Variants in NTNG1 observed in about 807,000 individuals in gnomAD.
NTNG1 encodes the protein netrin G1.
Under a neutral mutation model 54.0 loss-of-function variants are expected in NTNG1, and 16 were observed. The ratio of observed to expected loss-of-function variants is 0.30; its 90% CI spans 0.20 to 0.45. The LOEUF (loss-of-function observed/expected upper bound fraction) is 0.45. Ranked by LOEUF, NTNG1 falls within the 20% of genes least tolerant of loss-of-function variation. NTNG1 has a pLI of 1.00. For synonymous variants in NTNG1, 255 were observed against 263.1 expected (o/e 0.97, Z 0.30); for missense variants, 530 against 678.7 (o/e 0.78, Z 2.43).
chr1:107,249,430 C>T (rs1489758403), intron 2 of NTNG1, among the ~76,000 whole-genome samples: 3 of 148,548 alleles, frequency 2.0e-5, no homozygotes, highest in South Asian at 2.1e-4. Context: ...TGCTGTGAGC[C>T]GAGATGGCGC....
intron 2 of NTNG1, among the ~76,000 whole-genome samples, chr1:107,213,210 A>T (rs776041536): frequency 6.6e-6 from 1 of 152,010 alleles, no homozygotes; most frequent in Non-Finnish European, 1.5e-5. Flanking sequence ...ATTTGAATTG[A>T]TCTGATTTTG....
At chr1:107,382,786 T>C (rs1671727190) in intron 3 of NTNG1, among the ~76,000 whole-genome samples, 1 of 152,104 alleles carries the variant, frequency 6.6e-6, no homozygotes, top group African/African-American at 2.4e-5. Context: ...TCTCTCTCTT[T>C]ATTTTTTGTT....
Position 107,481,134 on chromosome 1 carries a change from A to G in NTNG1, c.*294A>G, listed in dbSNP as rs1343969045. Reference sequence around the variant, plus strand: ...TTGGAAAGGCTGCGACAGCCCCCCAAACAGGAAAGACAAAAAACAAACAAA... The same window carrying G: ...TTGGAAAGGCTGCGACAGCCCCCCAGACAGGAAAGACAAAAAACAAACAAA... On this transcript the variant is annotated 3_prime_UTR_variant, in exon 8 of 8. Coordinates refer to ENST00000370068, the MANE Select transcript of NTNG1 (RefSeq NM_001113226.3). 2 of 422,320 alleles carry G rather than the reference A, an allele frequency of 4.7e-6. No homozygotes were observed. Among genetic ancestry groups the G allele is most frequent in the African/African-American group, 2.0e-5 (1 of 50,768 alleles). 26.2% of individuals were successfully genotyped at this position (422,320 alleles called of 1,614,324 possible).
intron 2 of NTNG1, among the ~76,000 whole-genome samples, chr1:107,308,477 T>A (rs1412660531): frequency 6.6e-6 from 1 of 152,126 alleles, no homozygotes; most frequent in Non-Finnish European, 1.5e-5. Flanking sequence ...TGTGGCCTTA[T>A]TTCTGGGCTC....
At chr1:107,445,832 G>C (rs951060388) in intron 7 of NTNG1, among the ~76,000 whole-genome samples, 1 of 151,796 alleles carries the variant, frequency 6.6e-6, no homozygotes, top group Non-Finnish European at 1.5e-5. Context: ...GCTGTGTTCC[G>C]GTAAAACTTT....
intron 2 of NTNG1, among the ~76,000 whole-genome samples, chr1:107,260,166 A>G (rs1457767926): frequency 6.6e-6 from 1 of 152,208 alleles, no homozygotes; most frequent in Non-Finnish European, 1.5e-5. Flanking sequence ...CTCTCACGAT[A>G]CTAGTGTTCT....
intron 2 of NTNG1, among the ~76,000 whole-genome samples, chr1:107,242,712 T>G (rs938900689): frequency 4.7e-4 from 72 of 152,182 alleles, no homozygotes; most frequent in African/African-American, 1.7e-3. Context: ...TTTGCTGCAG[T>G]AAACAAAAGA....
chr1:107,276,475 G>A (rs1366824826), intron 2 of NTNG1, among the ~76,000 whole-genome samples: 4 of 151,844 alleles, frequency 2.6e-5, no homozygotes, highest in African/African-American at 9.7e-5. Context: ...TTCTTAACAT[G>A]GAGAATGCCT....
intron 2 of NTNG1, among the ~76,000 whole-genome samples, chr1:107,295,244 T>C (rs1368793086): frequency 6.6e-6 from 1 of 152,134 alleles, no homozygotes; most frequent in Non-Finnish European, 1.5e-5. Context: ...TCTTTTCTTG[T>C]GGTTCCCTTT....
At chr1:107,398,550 AC>A (rs1461872461) in intron 4 of NTNG1, among the ~76,000 whole-genome samples, 4 of 152,072 alleles carry the variant, frequency 2.6e-5, no homozygotes, top group South Asian at 2.1e-4. Flanking sequence ...AAATATAGCC[AC>A]CCCAGTCTGT....
intron 2 of NTNG1, among the ~76,000 whole-genome samples, chr1:107,290,683 T>G (rs1665522732): frequency 6.6e-6 from 1 of 151,890 alleles, no homozygotes. Flanking sequence ...TATGCTGTTG[T>G]ATTTGAGGTG....
At chr1:107,297,168 TAACATC>T (rs1666004282) in intron 2 of NTNG1, among the ~76,000 whole-genome samples, 2 of 139,804 alleles carry the variant, frequency 1.4e-5, no homozygotes, top group Non-Finnish European at 3.1e-5. Flanking sequence ...ATCATATATA[TAACATC>T]ATATAACATC....
intron 3 of NTNG1, among the ~76,000 whole-genome samples, chr1:107,333,601 C>T (rs955170118): frequency 6.6e-6 from 1 of 151,464 alleles, no homozygotes; most frequent in African/African-American, 2.4e-5. Flanking sequence ...CATTGTTGGA[C>T]TCTTTGTAAG....
At chr1:107,266,865 G>A (rs1663778136) in intron 2 of NTNG1, among the ~76,000 whole-genome samples, 1 of 152,102 alleles carries the variant, frequency 6.6e-6, no homozygotes, top group African/African-American at 2.4e-5. Flanking sequence ...AACATGTTCA[G>A]TGAAAACTAT....
intron 5 of NTNG1, among the ~76,000 whole-genome samples, chr1:107,417,357 C>T (rs553141645): frequency 6.6e-6 from 1 of 152,128 alleles, no homozygotes; most frequent in Non-Finnish European, 1.5e-5. Flanking sequence ...TTTAAAAAAG[C>T]AAAGTTATAG....
At chr1:107,325,939 T>A (rs945926719) in intron 3 of NTNG1, among the ~76,000 whole-genome samples, 1 of 152,122 alleles carries the variant, frequency 6.6e-6, no homozygotes, top group African/African-American at 2.4e-5. Context: ...TTCAAACAGA[T>A]AAGGCAGGAT....
At position 107,279,642 on chromosome 1, in the gene NTNG1, C is replaced by G. The variant is rs3125671; in HGVS notation, c.247-44640C>G. Among the ~76,000 whole-genome samples, 1,303 of 152,204 alleles carry G rather than the reference C, an allele frequency of 8.6e-3. 15 individuals are homozygous for G. Among genetic ancestry groups the G allele is most frequent in the African/African-American group, 0.03 (1,236 of 41,530 alleles). On this transcript the variant is annotated intron_variant, in intron 2 of 7. Coordinates refer to ENST00000370068, the MANE Select transcript of NTNG1 (RefSeq NM_001113226.3). ...TTCTAGAATACATCTTTAGCTTCCTCCAAAGAAAAATGTGGAAAATTAACT... is the reference window on the plus strand; with the variant it reads ...TTCTAGAATACATCTTTAGCTTCCTGCAAAGAAAAATGTGGAAAATTAACT...
At chr1:107,257,491 C>T (rs1209525900) in intron 2 of NTNG1, among the ~76,000 whole-genome samples, 1 of 152,076 alleles carries the variant, frequency 6.6e-6, no homozygotes. Context: ...CTTCTTTTTT[C>T]TTTAAGATAA....
rs371872958 is a variant in NTNG1 at position 107,361,387 on chromosome 1, A to T, written c.888-33767A>T. ...TATATATATATACATATATATATAT[A>T]TATATTTTTTTTTTTTTTTGAGACA... is the stretch of plus-strand genomic sequence containing the variant. On this transcript the variant is annotated intron_variant, in intron 3 of 7. Transcript: ENST00000370068. Among the ~76,000 whole-genome samples, 263 of 76,698 alleles carry T rather than the reference A, an allele frequency of 3.4e-3. 1 individual carries two copies. Among genetic ancestry groups the T allele is most frequent in the African/African-American group, 0.01 (256 of 24,404 alleles). 50.3% of individuals were successfully genotyped at this position (76,698 alleles called of 152,430 possible).
Sources: allele counts gnomAD v4.1 joint callset (sites outside exome capture counted in the v4.1 genomes callset), GRCh38; gene constraint gnomAD v4.1.1; transcripts MANE v1.5; gene names NCBI Gene and HGNC (gene_info 2026-07-23, HGNC 2026-07-21).